TEAD4: variants seen among roughly 807,000 people sequenced by gnomAD.
The protein encoded by TEAD4 is transcriptional enhancer factor TEF-3.
A neutral mutation model predicts 52.4 loss-of-function variants in TEAD4; 36 were observed. The ratio of observed to expected loss-of-function variants is 0.69; its 90% CI spans 0.53 to 0.91. The LOEUF is 0.91. Among genes scored for constraint, TEAD4 ranks in the 40% least tolerant of loss-of-function variants. The pLI is 0.00. For synonymous variants in TEAD4, 220 were observed against 231.0 expected (o/e 0.95, Z 0.43); for missense variants, 508 against 583.9 (o/e 0.87, Z 1.34).
chr12:2,999,767 C>T (rs527562853), intron 3 of TEAD4, among the ~76,000 whole-genome samples: 6 of 152,286 alleles, frequency 3.9e-5, no homozygotes, highest in South Asian at 4.1e-4. Context: ...TGGTGGGATT[C>T]GAACAACTTC....
At chr12:3,022,996 G>A (rs1032578237) in intron 10 of TEAD4, among the ~76,000 whole-genome samples, 2 of 152,230 alleles carry the variant, frequency 1.3e-5, no homozygotes, top group East Asian at 3.9e-4. Context: ...TATTCACACC[G>A]AAGTTTATAT....
chr12:3,039,987 G>A, intron 11 of TEAD4, 120 bp from the exon 12 acceptor site: 12 of 1,367,484 alleles, frequency 8.8e-6, no homozygotes, highest in Non-Finnish European at 1.1e-5. Context: ...GCCCCTGGCT[G>A]GGGGTGACTC....
At chr12:3,004,136 C>T (rs990785530) in intron 3 of TEAD4, among the ~76,000 whole-genome samples, 7 of 152,238 alleles carry the variant, frequency 4.6e-5, no homozygotes, top group African/African-American at 1.7e-4. Context: ...GGCAGGACCT[C>T]AGGTCCAAGT....
chr12:2,984,006 G>C (rs1227324143), intron 2 of TEAD4, among the ~76,000 whole-genome samples: 2 of 152,236 alleles, frequency 1.3e-5, no homozygotes, highest in African/African-American at 4.8e-5. Flanking sequence ...TGGACCTTAA[G>C]GCTGAGCAAG....
intron 3 of TEAD4, among the ~76,000 whole-genome samples, chr12:3,010,552 C>T (rs1340109508): frequency 3.3e-5 from 5 of 152,354 alleles, no homozygotes; most frequent in Admixed American, 1.3e-4. Context: ...GAAGTCTGGA[C>T]GCTTCTACTC....
intron 5 of TEAD4, chr12:3,016,955 G>A: frequency 7.7e-6 from 3 of 392,046 alleles, no homozygotes; most frequent in South Asian, 5.5e-5. Context: ...GGCAGGAGGG[G>A]CCACAGGAGG....
intron 10 of TEAD4, among the ~76,000 whole-genome samples, chr12:3,024,258 A>G (rs1415580739): frequency 6.6e-6 from 1 of 151,972 alleles, no homozygotes; most frequent in Admixed American, 6.6e-5. Context: ...GTATTTTTTT[A>G]GTAGAGACGG....
At chr12:3,008,285 CAG>C (rs1247042670) in intron 3 of TEAD4, among the ~76,000 whole-genome samples, 4 of 152,046 alleles carry the variant, frequency 2.6e-5, no homozygotes, top group Non-Finnish European at 5.9e-5. Flanking sequence ...GACTCTGGGG[CAG>C]AGTGTTCCCT....
chr12:3,000,967 C>T (rs1170393655), intron 3 of TEAD4, among the ~76,000 whole-genome samples: 1 of 152,220 alleles, frequency 6.6e-6, no homozygotes, highest in Non-Finnish European at 1.5e-5. Flanking sequence ...ACCATGGCCT[C>T]ATTTGCAGGA....
intron 2 of TEAD4, among the ~76,000 whole-genome samples, chr12:2,976,017 T>C (rs1475026631): frequency 6.6e-6 from 1 of 151,948 alleles, no homozygotes; most frequent in African/African-American, 2.4e-5. Flanking sequence ...CATTTTTTTT[T>C]TTTTTTGAGA....
chr12:3,015,169 T>C (rs1366656678), intron 5 of TEAD4, among the ~76,000 whole-genome samples: 1 of 152,140 alleles, frequency 6.6e-6, no homozygotes, highest in African/African-American at 2.4e-5. Flanking sequence ...TTTGTCCACA[T>C]CGACAATGAC....
chr12:3,025,070 G>C (rs957588906), intron 10 of TEAD4, among the ~76,000 whole-genome samples: 4 of 151,626 alleles, frequency 2.6e-5, no homozygotes, highest in Non-Finnish European at 4.4e-5. Flanking sequence ...TCAGCCTCCC[G>C]AGTAGCTGGG....
intron 3 of TEAD4, among the ~76,000 whole-genome samples, chr12:3,008,711 G>T (rs2098257832): frequency 6.6e-6 from 1 of 152,182 alleles, no homozygotes; most frequent in African/African-American, 2.4e-5. Flanking sequence ...CAGTGAGTAG[G>T]TGCCAGGTAC....
chr12:2,991,072 G>C (rs1339213713), intron 2 of TEAD4, among the ~76,000 whole-genome samples: 1 of 152,156 alleles, frequency 6.6e-6, no homozygotes, highest in Non-Finnish European at 1.5e-5. Flanking sequence ...GGTGGTGCGT[G>C]ACTAGAGTCC....
chr12:2,964,154 T>A (rs1379435929), intron 2 of TEAD4, among the ~76,000 whole-genome samples: 3 of 152,204 alleles, frequency 2.0e-5, no homozygotes, highest in Non-Finnish European at 4.4e-5. Flanking sequence ...TAGAGCTCCG[T>A]GCCGGTTCTG....
chr12:2,978,025 T>G (rs1309998023), intron 2 of TEAD4, among the ~76,000 whole-genome samples: 3 of 152,156 alleles, frequency 2.0e-5, no homozygotes, highest in Non-Finnish European at 4.4e-5. Context: ...ATCCCTTTCC[T>G]TCCATCCCTC....
chr12:2,972,433 A>G (rs2098225891), intron 2 of TEAD4, among the ~76,000 whole-genome samples: 1 of 151,164 alleles, frequency 6.6e-6, no homozygotes, highest in Non-Finnish European at 1.5e-5. Flanking sequence ...TGGGCAGGAT[A>G]AGAAGGTCTT....
intron 2 of TEAD4, among the ~76,000 whole-genome samples, chr12:2,983,634 C>T (rs1170929089): frequency 6.6e-6 from 1 of 152,208 alleles, no homozygotes; most frequent in East Asian, 1.9e-4. Flanking sequence ...TTCTACAAGC[C>T]TCCAAAATAA....
intron 8 of TEAD4, 116 bp downstream of exon 8, chr12:3,019,286 C>A: frequency 8.9e-7 from 1 of 1,119,054 alleles, no homozygotes; most frequent in Non-Finnish European, 1.3e-6. Context: ...CCCCGTCATG[C>A]ACACTGACCA....
Sources: allele counts gnomAD v4.1 joint callset (sites outside exome capture counted in the v4.1 genomes callset), GRCh38; gene constraint gnomAD v4.1.1; transcripts MANE v1.5; gene names NCBI Gene and HGNC (gene_info 2026-07-23, HGNC 2026-07-21).